Variants in IRAK3 observed in about 807,000 individuals in gnomAD.
IRAK3 encodes interleukin-1 receptor-associated kinase 3.
IRAK3 carries 57 observed loss-of-function variants against 56.6 expected under a neutral mutation model. That is an observed-to-expected ratio of 1.01 (90% CI 0.81 to 1.26). The LOEUF is 1.26. IRAK3 is among the 50% of genes most tolerant of loss of function. The pLI is 0.00. For synonymous variants in IRAK3, 258 were observed against 255.7 expected, an observed-to-expected ratio of 1.01 and a Z score of -0.09; for missense variants, 703 against 719.0, an observed-to-expected ratio of 0.98 and a Z score of 0.25.
intron 2 of IRAK3, among the ~76,000 whole-genome samples, chr12:66,204,821 AG>A (rs1394728875): frequency 7.3e-6 from 1 of 137,846 alleles, no homozygotes; most frequent in African/African-American, 2.6e-5. Context: ...CACACACACA[AG>A]GAATCCTGAG....
At chr12:66,214,869 G>A (rs1183124098) in intron 5 of IRAK3, among the ~76,000 whole-genome samples, 1 of 152,284 alleles carries the variant, frequency 6.6e-6, no homozygotes, top group East Asian at 1.9e-4. Flanking sequence ...AGGATGCAGA[G>A]GAGAAAGCAT....
intron 8 of IRAK3, among the ~76,000 whole-genome samples, chr12:66,233,115 G>C (rs981594328): frequency 6.6e-6 from 1 of 152,066 alleles, no homozygotes. Flanking sequence ...TCTGGTCAAA[G>C]CATTCTACAT....
intron 8 of IRAK3, among the ~76,000 whole-genome samples, chr12:66,242,274 C>G (rs1415928066): frequency 6.6e-6 from 1 of 152,184 alleles, no homozygotes; most frequent in African/African-American, 2.4e-5. Context: ...CCGGCAAACT[C>G]CTGCATTCAA....
intron 1 of IRAK3, among the ~76,000 whole-genome samples, chr12:66,201,249 A>G (rs1433015226): frequency 1.3e-5 from 2 of 152,200 alleles, no homozygotes; most frequent in Non-Finnish European, 2.9e-5. Context: ...CCTATCTCCT[A>G]TGAGACCACC....
chr12:66,243,961 G>A (rs1393421918), intron 8 of IRAK3, among the ~76,000 whole-genome samples: 1 of 152,150 alleles, frequency 6.6e-6, no homozygotes, highest in East Asian at 1.9e-4. Flanking sequence ...TTTTAAATAA[G>A]ACTCAAAGAC....
At position 66,248,067 on chromosome 12, in the gene IRAK3, C is replaced by G. The variant is rs1170226284; in HGVS notation, c.1687C>G (p.Pro563Ala). The change falls in exon 12 of 12, where the codon CCT becomes GCT. Residue 563 changes from proline (P) to alanine (A), a missense_variant. Physicochemically the swap from Pro to Ala is conservative, Grantham distance 27 (BLOSUM62 -1). Coordinates refer to ENST00000261233, the MANE Select transcript of IRAK3 (RefSeq NM_007199.3). ...AAGGCCCTATAAGGTAAATATAGAT[C>G]CTTCTTCAGAAGCTCCAGGGCATTC... ...DLRPYKVNID[P>A]SSEAPGHSCR... 1 of 1,589,434 alleles carries G rather than the reference C, an allele frequency of 6.3e-7. No homozygotes were observed.
chr12:66,211,980 A>G (rs753411369), intron 5 of IRAK3, among the ~76,000 whole-genome samples: 1 of 152,008 alleles, frequency 6.6e-6, no homozygotes, highest in South Asian at 2.1e-4. Context: ...GCGTGGTGGT[A>G]TGCTCCTGTA....
Position 66,200,105 on chromosome 12 carries a change from T to G in IRAK3, c.134-3606T>G, listed in dbSNP as rs188924305. Among the ~76,000 whole-genome samples the G allele has an allele frequency of 8.9e-4, 136 of 152,362 alleles. 2 individuals are homozygous for G. The East Asian group carries it at 0.024, about 27-fold the overall frequency. On this transcript the variant is annotated intron_variant, in intron 1 of 11. Transcript: ENST00000261233. ...ATGCATTGAAATAGAATGTCTCAACTTTATCTTCTCTTGTTTGATATGTAA... is the reference window on the plus strand; with the variant it reads ...ATGCATTGAAATAGAATGTCTCAACGTTATCTTCTCTTGTTTGATATGTAA...
chr12:66,211,674 C>T (rs958554921), intron 5 of IRAK3, 77 bp downstream of exon 5: 2 of 1,259,886 alleles, frequency 1.6e-6, no homozygotes, highest in African/African-American at 2.9e-5. Context: ...TGTCATTTTT[C>T]ATCAACATTG....
At chr12:66,209,984 A>G (rs11465957) in intron 3 of IRAK3, among the ~76,000 whole-genome samples, 163 bp from the exon 4 acceptor site, 1 of 152,220 alleles carries the variant, frequency 6.6e-6, no homozygotes, top group Non-Finnish European at 1.5e-5. Flanking sequence ...AATGAATGCT[A>G]TTAAATAAAG....
intron 11 of IRAK3, among the ~76,000 whole-genome samples, chr12:66,246,568 T>C (rs1373844989): frequency 6.6e-6 from 1 of 152,188 alleles, no homozygotes; most frequent in East Asian, 1.9e-4. Flanking sequence ...CTATGACATA[T>C]ATCGTGCAGG....
chr12:66,234,190 T>C, intron 8 of IRAK3: 1 of 1,614,136 alleles, frequency 6.2e-7, no homozygotes, highest in East Asian at 2.2e-5. Context: ...GTTCATACTG[T>C]GGCAAGTAGG....
intron 5 of IRAK3, among the ~76,000 whole-genome samples, chr12:66,215,529 A>G (rs926371119): frequency 6.6e-6 from 1 of 152,168 alleles, no homozygotes; most frequent in Admixed American, 6.5e-5. Context: ...TTGTCTTTGT[A>G]TCCTAGTGCC....
intron 8 of IRAK3, among the ~76,000 whole-genome samples, chr12:66,231,680 C>T (rs1005257515): frequency 1.3e-5 from 2 of 152,052 alleles, no homozygotes; most frequent in African/African-American, 4.8e-5. Context: ...CTGGTGGAGG[C>T]AATAATTTGT....
chr12:66,206,484 T>G (rs1251081981), intron 2 of IRAK3, among the ~76,000 whole-genome samples: 1 of 152,244 alleles, frequency 6.6e-6, no homozygotes, highest in Non-Finnish European at 1.5e-5. Flanking sequence ...AATGAACATG[T>G]GTTTTTTGTC....
intron 6 of IRAK3, among the ~76,000 whole-genome samples, chr12:66,223,658 C>CAAA (rs76115473): frequency 2.0e-4 from 23 of 115,382 alleles, no homozygotes; most frequent in Admixed American, 1.9e-3. Flanking sequence ...GACTCCGTCT[C>CAAA]AAAAAAAAAA....
rs2053058199 is a variant in IRAK3, at chr12:66,248,272, T to C, written c.*101T>C. On this transcript the variant is annotated 3_prime_UTR_variant, in exon 12 of 12. Transcript: ENST00000261233. ...GGCTCCATAAGCAATGCCAAGAGAA[T>C]GATCAATAGTGAGTTTGGGTGATGC... is the stretch of plus-strand genomic sequence containing the variant. 8 of 789,756 alleles carry C rather than the reference T, an allele frequency of 1.0e-5. No homozygotes were observed. In the South Asian group the frequency reaches 1.2e-4, roughly 12 times the overall value. The allele number at this position is 789,756 out of a possible 1,614,324, so 48.9% of individuals were successfully genotyped here.
chr12:66,242,462 A>G (rs1483566431), intron 8 of IRAK3, among the ~76,000 whole-genome samples: 1 of 152,198 alleles, frequency 6.6e-6, no homozygotes, highest in East Asian at 1.9e-4. Context: ...ATGTCAGGAT[A>G]GTCAACAGTT....
chr12:66,198,246 A>G (rs1420470875), intron 1 of IRAK3: 2 of 255,722 alleles, frequency 7.8e-6, no homozygotes, highest in Admixed American at 1.3e-4. Context: ...TCTGTCAATC[A>G]GCAAAAATAT....
Sources: allele counts gnomAD v4.1 joint callset (sites outside exome capture counted in the v4.1 genomes callset), GRCh38; gene constraint gnomAD v4.1.1; transcripts MANE v1.5; gene names NCBI Gene and HGNC (gene_info 2026-07-23, HGNC 2026-07-21).